LPXN: variants seen among roughly 807,000 people sequenced by gnomAD.
LPXN encodes the protein leupaxin.
A neutral mutation model predicts 45.6 loss-of-function variants in LPXN; 28 were observed. The observed-to-expected ratio is 0.61, with a 90% CI of 0.45 to 0.84. LPXN has a LOEUF of 0.84. Ranked by LOEUF, LPXN falls within the 40% of genes least tolerant of loss-of-function variation. LPXN has a pLI of 0.00. For missense variants in LPXN, 459 were observed against 475.0 expected (o/e 0.97, Z 0.31); for synonymous variants, 166 against 169.9 (o/e 0.98, Z 0.18).
chr11:58,563,733 T>C (rs1854447850), intron 3 of LPXN, among the ~76,000 whole-genome samples: 2 of 152,346 alleles, frequency 1.3e-5, no homozygotes, highest in South Asian at 4.1e-4. Context: ...AAGTAAATAC[T>C]CATCAGTTGG....
At chr11:58,553,586 G>T (rs1323672533) in intron 4 of LPXN, among the ~76,000 whole-genome samples, 1 of 152,108 alleles carries the variant, frequency 6.6e-6, no homozygotes, top group African/African-American at 2.4e-5. Flanking sequence ...AATATGTGTT[G>T]CTCACGATGT....
rs369714315 is a variant in LPXN, at chr11:58,542,291, A to G, written c.742+7495T>C. The stretch of plus-strand genomic sequence containing the variant: ...GAAGTTGTAATTTTTGCTAATTAGT[A>G]GTTGAATTTCTAATTTTAGCTAAGT... On this transcript the variant is annotated intron_variant, in intron 7 of 8. Coordinates refer to ENST00000395074, the MANE Select transcript of LPXN (RefSeq NM_004811.3). 1.6e-4 allele frequency among the ~76,000 whole-genome samples: 25 copies of G among 152,228 alleles called. No homozygotes were observed. In the South Asian group the frequency reaches 5.0e-3, roughly 30 times the overall value.
chr11:58,527,832 G>T, intron 8 of LPXN, 109 bp from the exon 9 acceptor site: 2 of 1,214,038 alleles, frequency 1.6e-6, no homozygotes, highest in Non-Finnish European at 2.3e-6. Flanking sequence ...GCCAGCTACA[G>T]GAATTTCCCT....
At chr11:58,555,010 T>C in intron 3 of LPXN, 70 bp from the exon 4 acceptor site, 3 of 971,126 alleles carry the variant, frequency 3.1e-6, no homozygotes, top group Admixed American at 3.6e-5. Flanking sequence ...ACACATAAAG[T>C]ACTGGAAATG....
chr11:58,541,720 G>A (rs1853729084), intron 7 of LPXN, among the ~76,000 whole-genome samples: 1 of 150,548 alleles, frequency 6.6e-6, no homozygotes, highest in African/African-American at 2.5e-5. Flanking sequence ...AAATCATGCT[G>A]CTATAAAGAC....
intron 3 of LPXN, among the ~76,000 whole-genome samples, chr11:58,563,921 T>G (rs1483146285): frequency 2.0e-5 from 3 of 152,146 alleles, no homozygotes; most frequent in Non-Finnish European, 2.9e-5. Flanking sequence ...TAGGTGGTAA[T>G]GGACATAGCA....
intron 1 of LPXN, among the ~76,000 whole-genome samples, 183 bp downstream of exon 1, chr11:58,575,577 T>C (rs1011346353): frequency 3.9e-5 from 6 of 152,190 alleles, no homozygotes; most frequent in Admixed American, 3.3e-4. Flanking sequence ...AGTGAACCCA[T>C]AGTTCCCCAA....
chr11:58,527,313 A>G lies in LPXN; in HGVS notation c.*141T>C. The G allele has an allele frequency of 1.3e-6, 1 of 758,796 alleles. No individual in the cohort carries two copies. Among genetic ancestry groups the G allele is most frequent in the African/African-American group, 1.8e-5 (1 of 57,048 alleles). The allele number at this position is 758,796 out of a possible 1,614,324, so 47.0% of individuals were successfully genotyped here. A position where few individuals can be genotyped will look rare whatever the true frequency, so the allele number is the denominator to read the frequency against. On this transcript the variant is annotated 3_prime_UTR_variant, in exon 9 of 9. Transcript: ENST00000395074. ...ATCAGCCTAGTCATGTAAAGTCTAG[A>G]AGTTCCTTTATTTGCTCATCACCTT...
chr11:58,548,550 T>C (rs1029427854), intron 7 of LPXN, among the ~76,000 whole-genome samples: 5 of 151,914 alleles, frequency 3.3e-5, no homozygotes, highest in African/African-American at 1.2e-4. Context: ...ATAAGTACAA[T>C]AAAAACTAAG....
intron 4 of LPXN, chr11:58,553,811 A>T (rs1024354165): frequency 1.3e-5 from 2 of 152,162 alleles, no homozygotes; most frequent in Non-Finnish European, 2.9e-5. Flanking sequence ...CTTTAAGCCC[A>T]TTTATCTGAG....
intron 4 of LPXN, among the ~76,000 whole-genome samples, chr11:58,551,983 G>A (rs1854065896): frequency 1.3e-5 from 2 of 152,190 alleles, no homozygotes; most frequent in African/African-American, 4.8e-5. Context: ...GAGTGAGATT[G>A]AACACGGCAG....
intron 2 of LPXN, among the ~76,000 whole-genome samples, chr11:58,566,743 T>C (rs1242360503): frequency 1.3e-5 from 2 of 152,216 alleles, no homozygotes; most frequent in Non-Finnish European, 2.9e-5. Flanking sequence ...GCTAAAAGCT[T>C]CAAAAGCTGA....
At chr11:58,534,419 G>A (rs914461390) in intron 7 of LPXN, among the ~76,000 whole-genome samples, 1 of 152,108 alleles carries the variant, frequency 6.6e-6, no homozygotes, top group Non-Finnish European at 1.5e-5. Context: ...GCTCCTGAAC[G>A]ACTACTGGGT....
In LPXN at chr11:58,549,820, G is replaced by C. The variant is rs1166418950; in HGVS notation, c.708C>G (p.Phe236Leu). 1.9e-6 allele frequency: 3 copies of C among 1,614,028 alleles called. No individual in the cohort carries two copies. Among genetic ancestry groups the C allele is most frequent in the East Asian group, 2.2e-5 (1 of 44,880 alleles). ...CAAACACCTCTCCGCAGTGAGAGCA[G>C]AAGAAGTGCTCTGGGTGCCAGGTCT... is the stretch of plus-strand genomic sequence containing the variant. ...MNQTWHPEHF[F>L]CSHCGEVFGA... The change falls in exon 7 of 9, where the codon TTC becomes TTG. Residue 236 changes from phenylalanine (F) to leucine (L), a missense_variant. Physicochemically the swap from Phe to Leu is conservative, Grantham distance 22. Transcript: ENST00000395074.
intron 3 of LPXN, among the ~76,000 whole-genome samples, chr11:58,560,313 TA>T (rs1444231926): frequency 1.3e-5 from 2 of 152,178 alleles, no homozygotes; most frequent in East Asian, 3.8e-4. Flanking sequence ...GTAAAGTACA[TA>T]AATATAGTCA....
intron 3 of LPXN, among the ~76,000 whole-genome samples, chr11:58,558,159 T>C (rs1241737042): frequency 1.3e-5 from 2 of 150,512 alleles, no homozygotes; most frequent in Admixed American, 6.6e-5. Context: ...AATTAAAAGT[T>C]GTAAAGAAAA....
At chr11:58,529,930 G>A (rs899195290) in intron 7 of LPXN, among the ~76,000 whole-genome samples, 1 of 152,124 alleles carries the variant, frequency 6.6e-6, no homozygotes, top group African/African-American at 2.4e-5. Context: ...GAAAGCACAA[G>A]GGGTCAGGGA....
chr11:58,568,698 A>G (rs1188755788), intron 2 of LPXN, among the ~76,000 whole-genome samples: 3 of 152,334 alleles, frequency 2.0e-5, no homozygotes, highest in Non-Finnish European at 2.9e-5. Flanking sequence ...GTTAAGCCAT[A>G]GTGGCTTACT....
At chr11:58,572,598 T>C (rs1032185895) in intron 1 of LPXN, among the ~76,000 whole-genome samples, 4 of 152,278 alleles carry the variant, frequency 2.6e-5, no homozygotes, top group African/African-American at 7.2e-5. Flanking sequence ...TTAGGTGTGA[T>C]AATGATATTT....
Sources: allele counts gnomAD v4.1 joint callset (sites outside exome capture counted in the v4.1 genomes callset), GRCh38; gene constraint gnomAD v4.1.1; transcripts MANE v1.5; gene names NCBI Gene and HGNC (gene_info 2026-07-23, HGNC 2026-07-21).